FOXP2: variants seen among roughly 807,000 people sequenced by gnomAD.
The protein encoded by FOXP2 is forkhead box P2.
In FOXP2, 12 loss-of-function variants were observed where a neutral mutation model predicts 115.8. The observed-to-expected ratio is 0.10, with a 90% CI of 0.07 to 0.17. FOXP2 has a LOEUF of 0.17. Among genes scored for constraint, FOXP2 ranks in the 10% least tolerant of loss-of-function variants. FOXP2 has a pLI of 1.00. For synonymous variants in FOXP2, 328 were observed against 297.7 expected, an observed-to-expected ratio of 1.10 and a Z score of -1.05; for missense variants, 629 against 843.5, an observed-to-expected ratio of 0.75 and a Z score of 3.15.
chr7:114,216,517 A>G (rs912123097), intron 1 of FOXP2, among the ~76,000 whole-genome samples: 3 of 152,078 alleles, frequency 2.0e-5, no homozygotes, highest in African/African-American at 7.2e-5. Context: ...TACATTTTAT[A>G]TATTTTTATA....
At chr7:114,270,706 T>G (rs1295024342) in intron 1 of FOXP2, among the ~76,000 whole-genome samples, 1 of 152,158 alleles carries the variant, frequency 6.6e-6, no homozygotes, top group Non-Finnish European at 1.5e-5. Flanking sequence ...TATTTTTGCT[T>G]AACAGTCCTT....
chr7:114,587,225 C>T (rs957259689), intron 3 of FOXP2, among the ~76,000 whole-genome samples: 1 of 152,192 alleles, frequency 6.6e-6, no homozygotes, highest in Middle Eastern at 3.4e-3. Flanking sequence ...TCTCCCTTCT[C>T]TTGCTCCCCA....
At chr7:114,128,168 A>T (rs561752704) in intron 1 of FOXP2, among the ~76,000 whole-genome samples, 1 of 152,286 alleles carries the variant, frequency 6.6e-6, no homozygotes, top group African/African-American at 2.4e-5. Flanking sequence ...AAATTTAAGG[A>T]TATTTCTACA....
intron 1 of FOXP2, among the ~76,000 whole-genome samples, chr7:114,147,603 A>G (rs1385810472): frequency 2.6e-5 from 4 of 152,178 alleles, no homozygotes; most frequent in African/African-American, 9.7e-5. Context: ...TGTATGATAA[A>G]TAGTATATTT....
rs529753363 is a variant in FOXP2 at position 114,420,364 on chromosome 7, T to C, written c.-11+5004T>C. Among the ~76,000 whole-genome samples the C allele has an allele frequency of 1.7e-4, 26 of 152,026 alleles. No homozygotes were observed. The South Asian group carries it at 5.4e-3, about 31-fold the overall frequency. On this transcript the variant is annotated intron_variant, in intron 1 of 16. Coordinates refer to ENST00000350908, the MANE Select transcript of FOXP2 (RefSeq NM_014491.4). ...AGGGAGGTTTTGCCTGCTAGGCAGG[T>C]CTTTCTATGTTCTTGGAGAGCTAAT...
At chr7:114,318,217 A>G (rs1254764708) in intron 2 of FOXP2, among the ~76,000 whole-genome samples, 3 of 152,036 alleles carry the variant, frequency 2.0e-5, no homozygotes, top group Non-Finnish European at 4.4e-5. Context: ...GGCTTTAGTT[A>G]GGGTTTTGTT....
chr7:114,680,689 G>A (rs910739504), intron 16 of FOXP2, among the ~76,000 whole-genome samples: 25 of 151,440 alleles, frequency 1.7e-4, no homozygotes, highest in African/African-American at 5.8e-4. Context: ...AGGTTGCAGT[G>A]AGCCGAGATC....
In FOXP2 at chr7:114,689,833, C is replaced by T. The variant is rs761456272; in HGVS notation, c.2055C>T (p.Cys685=). The T allele has an allele frequency of 1.2e-6, 2 of 1,613,478 alleles. No individual in the cohort carries two copies. The highest frequency in any genetic ancestry group is 2.2e-5 in the South Asian group (2 of 91,074). ...CAGTGATTGCAGAGGATGAAGACTG[C>T]CCAATGTCCTTAGTGACAACAGCTA... The part of the protein sequence containing the change: ...EEPVIAEDED[C]PMSLVTTANH... The change falls in exon 17 of 17, where the codon TGC becomes TGT. Residue 685 remains cysteine (C), a synonymous_variant. Transcript: ENST00000350908.
intron 2 of FOXP2, among the ~76,000 whole-genome samples, chr7:114,506,955 T>C (rs1797851226): frequency 6.6e-6 from 1 of 151,786 alleles, no homozygotes; most frequent in African/African-American, 2.4e-5. Context: ...GAATATTGAA[T>C]TATTTTTCAT....
intron 2 of FOXP2, among the ~76,000 whole-genome samples, chr7:114,301,295 A>G (rs916545107): frequency 2.6e-5 from 4 of 152,120 alleles, no homozygotes; most frequent in African/African-American, 9.6e-5. Flanking sequence ...ATATAAAAAT[A>G]CCTTTATTTC....
chr7:114,590,095 TAC>T (rs967478685), intron 3 of FOXP2, among the ~76,000 whole-genome samples: 32 of 152,284 alleles, frequency 2.1e-4, no homozygotes, highest in African/African-American at 7.7e-4. Flanking sequence ...ACAAAATGCA[TAC>T]ACTGATGCCA....
In FOXP2 at chr7:114,342,443, T is replaced by C. The variant is rs549346431; in HGVS notation, c.-11+54334T>C. Among the ~76,000 whole-genome samples the C allele has an allele frequency of 4.0e-5, 6 of 151,544 alleles. No individual in the cohort carries two copies. The East Asian group carries it at 9.7e-4, about 24-fold the overall frequency. Reference sequence around the variant, plus strand: ...AGACTTTCCTAATCATTGGACCTTTTCATATTTTATCTTATTACATTTATA... The same window carrying C: ...AGACTTTCCTAATCATTGGACCTTTCCATATTTTATCTTATTACATTTATA... On this transcript the variant is annotated intron_variant, in intron 2 of 17. Coordinates refer to the FOXP2 transcript ENST00000634411.
intron 3 of FOXP2, among the ~76,000 whole-genome samples, chr7:114,609,573 T>C (rs969876601): frequency 2.6e-5 from 4 of 152,226 alleles, no homozygotes; most frequent in African/African-American, 7.2e-5. Flanking sequence ...GTCTTTTCTA[T>C]GCCTTGGTGA....
intron 1 of FOXP2, among the ~76,000 whole-genome samples, chr7:114,170,336 CT>C (rs1793104286): frequency 6.6e-6 from 1 of 152,168 alleles, no homozygotes. Flanking sequence ...TTCCTTCCCT[CT>C]TCCCTAAAAA....
chr7:114,613,789 C>T (rs1401049461), intron 3 of FOXP2: 1 of 150,864 alleles, frequency 6.6e-6, no homozygotes, highest in Non-Finnish European at 1.5e-5. Context: ...GTTTTTAAGA[C>T]CTACAGCACC....
chr7:114,603,672 A>G lies in FOXP2; in HGVS notation c.259-24868A>G, dbSNP rs146118631. Among the ~76,000 whole-genome samples, 784 of 152,330 alleles carry G rather than the reference A, an allele frequency of 5.1e-3. 4 individuals carry two copies. Among genetic ancestry groups the G allele is most frequent in the African/African-American group, 0.018 (740 of 41,578 alleles). On this transcript the variant is annotated intron_variant, in intron 3 of 16. Transcript: ENST00000350908. ...TAATTAGAATTTCAGTGATTTTTCA[A>G]TAAGAATGATTGCCCTGTGGCTAGC...
intron 9 of FOXP2, among the ~76,000 whole-genome samples, chr7:114,653,610 A>G (rs896346484): frequency 1.3e-5 from 2 of 152,194 alleles, no homozygotes; most frequent in African/African-American, 4.8e-5. Context: ...GACTTTAAAG[A>G]GACACCATGG....
chr7:114,429,805 T>C (rs933259954), intron 2 of FOXP2, among the ~76,000 whole-genome samples: 4 of 151,602 alleles, frequency 2.6e-5, no homozygotes, highest in African/African-American at 9.7e-5. Context: ...AGTATTTGAA[T>C]AACCATTTAA....
chr7:114,100,366 G>T (rs188045856), intron 1 of FOXP2, among the ~76,000 whole-genome samples: 6 of 151,990 alleles, frequency 3.9e-5, no homozygotes, highest in Non-Finnish European at 8.8e-5. Context: ...ACTAAATACC[G>T]TACTATAAGT....
Sources: gnomAD v4.1 joint callset for allele counts (sites outside exome capture counted in the v4.1 genomes callset) on GRCh38, gnomAD v4.1.1 for gene constraint, MANE v1.5 for transcripts, NCBI Gene and HGNC (gene_info 2026-07-23, HGNC 2026-07-21) for gene names.